Variants in PTPRQ observed in about 807,000 individuals in gnomAD.
The protein encoded by PTPRQ is phosphatidylinositol phosphatase PTPRQ.
PTPRQ carries 199 observed loss-of-function variants against 246.0 expected under a neutral mutation model. The ratio of observed to expected loss-of-function variants is 0.81; its 90% CI spans 0.72 to 0.91. The LOEUF (loss-of-function observed/expected upper bound fraction) is 0.91, where lower values mean the gene tolerates loss of function less well. Among genes scored for constraint, PTPRQ ranks in the 40% least tolerant of loss-of-function variants. The pLI is 0.00. For synonymous variants in PTPRQ, 869 were observed against 853.2 expected (o/e 1.02, Z -0.32); for missense variants, 2,624 against 2,528.4 (o/e 1.04, Z -0.81).
At chr12:80,627,335 A>T (rs544609326) in intron 33 of PTPRQ, among the ~76,000 whole-genome samples, 1 of 143,468 alleles carries the variant, frequency 7.0e-6, no homozygotes, top group South Asian at 2.2e-4. Flanking sequence ...TGTTATAAGA[A>T]CTCAATTTTT....
chr12:80,455,056 C>T (rs544081232), intron 3 of PTPRQ, among the ~76,000 whole-genome samples: 20 of 152,170 alleles, frequency 1.3e-4, no homozygotes, highest in African/African-American at 4.6e-4. Flanking sequence ...GCCTGTAATC[C>T]CAGCTACTCT....
At chr12:80,641,158 C>T (rs999638460) in intron 35 of PTPRQ, among the ~76,000 whole-genome samples, 23 of 152,162 alleles carry the variant, frequency 1.5e-4, no homozygotes, top group African/African-American at 7.2e-5. Context: ...CAACTGTGCA[C>T]GCTTCCAGGC....
At chr12:80,613,896 A>T in intron 29 of PTPRQ, 60 bp downstream of exon 29, 4 of 1,421,988 alleles carry the variant, frequency 2.8e-6, no homozygotes, top group Non-Finnish European at 3.7e-6. Flanking sequence ...TGAACTTGGC[A>T]TTTAAAAATA....
intron 9 of PTPRQ, 141 bp from the exon 10 acceptor site, chr12:80,493,134 A>G (rs1894500998): frequency 1.1e-6 from 1 of 951,384 alleles, no homozygotes; most frequent in Non-Finnish European, 1.4e-6. Context: ...TTTGGAATCT[A>G]AAGAAGACAG....
chr12:80,544,048 G>T (rs1210199783), intron 23 of PTPRQ, among the ~76,000 whole-genome samples: 1 of 152,068 alleles, frequency 6.6e-6, no homozygotes, highest in African/African-American at 2.4e-5. Context: ...TCTATATATG[G>T]ATCTTGTCTC....
intron 35 of PTPRQ, among the ~76,000 whole-genome samples, chr12:80,646,644 G>T (rs1225423900): frequency 6.6e-6 from 1 of 152,122 alleles, no homozygotes. Flanking sequence ...CCTTGCATGC[G>T]AATGTTGAGT....
chr12:80,455,726 G>A (rs1892958811), intron 3 of PTPRQ, among the ~76,000 whole-genome samples: 1 of 151,692 alleles, frequency 6.6e-6, no homozygotes, highest in Non-Finnish European at 1.5e-5. Flanking sequence ...AAATAGCTGG[G>A]ACTAGAGGCG....
chr12:80,454,698 T>A (rs1892912735), intron 3 of PTPRQ: 2 of 554,660 alleles, frequency 3.6e-6, no homozygotes, highest in East Asian at 5.7e-5. Flanking sequence ...TTTTATTAAA[T>A]GCTTTTCCTG....
Position 80,444,361 on chromosome 12 carries a change from AT to A in PTPRQ, c.21del (p.Leu8PhefsTer25). Reference sequence around the variant, plus strand: ...TGTAATAAAGATGGATTTTCTTATCATTTTTCTTTTACTTTTTATTGGGACT... The same window carrying A: ...TGTAATAAAGATGGATTTTCTTATCATTTTCTTTTACTTTTTATTGGGACT... MDFLI[I>X]FLLLFIGTSE... On this transcript the variant is annotated frameshift_variant, in exon 1 of 45. Coordinates refer to ENST00000644991, the MANE Select transcript of PTPRQ (RefSeq NM_001145026.2). LOFTEE classifies it high-confidence loss of function. 6.8e-7 allele frequency: 1 copy of A among 1,470,468 alleles called. No homozygotes were observed. Among genetic ancestry groups the A allele is most frequent in the Non-Finnish European group, 9.3e-7 (1 of 1,076,738 alleles). The allele number at this position is 1,470,468 out of a possible 1,614,324, so 91.1% of individuals were successfully genotyped here.
At position 80,520,606 on chromosome 12, in the gene PTPRQ, C is replaced by T. The variant is rs368182295; in HGVS notation, c.2678+10163C>T. 6.8e-4 allele frequency among the ~76,000 whole-genome samples: 101 copies of T among 147,612 alleles called. No individual in the cohort carries two copies. In the East Asian group the frequency reaches 0.011, roughly 17 times the overall value. The stretch of plus-strand genomic sequence containing the variant: ...ATTCCCACCTATGAGTGAGAACATG[C>T]GGTGTTTGGTTTTTTGTCCTTGTGA... On this transcript the variant is annotated intron_variant, in intron 17 of 44. Transcript: ENST00000644991.
intron 35 of PTPRQ, among the ~76,000 whole-genome samples, chr12:80,647,049 G>C (rs1395717493): frequency 6.6e-6 from 1 of 152,108 alleles, no homozygotes; most frequent in South Asian, 2.1e-4. Context: ...ATGGTTTATT[G>C]ACATTTTCCC....
chr12:80,472,067 A>AT (rs1364337511), intron 7 of PTPRQ, 38 bp from the exon 8 acceptor site: 4 of 1,549,916 alleles, frequency 2.6e-6, no homozygotes, highest in Non-Finnish European at 3.5e-6. Context: ...TGCACGCTTG[A>AT]TAAAAAATAA....
At position 80,546,714 on chromosome 12, in the gene PTPRQ, G is replaced by A. The variant is rs1896319069; in HGVS notation, c.4015+17G>A. The A allele has an allele frequency of 5.8e-6, 9 of 1,542,200 alleles. No homozygotes were observed. In the South Asian group the frequency reaches 9.9e-5, roughly 17 times the overall value. On this transcript the variant is annotated intron_variant, in intron 24 of 44. Coordinates refer to ENST00000644991, the MANE Select transcript of PTPRQ (RefSeq NM_001145026.2). Reference sequence around the variant, plus strand: ...AAGAATCAGGTTAGATACAGTTTTTGAGCCTAAAATGTTTCTTTTTATATT... The same window carrying A: ...AAGAATCAGGTTAGATACAGTTTTTAAGCCTAAAATGTTTCTTTTTATATT...
At chr12:80,504,293 C>T (rs10862148) in intron 14 of PTPRQ, among the ~76,000 whole-genome samples, 45,483 of 151,480 alleles carry the variant, frequency 0.3, 8,173 homozygotes, top group African/African-American at 0.5. Flanking sequence ...TCTTTAATAC[C>T]TCAAGAGATT....
chr12:80,497,571 G>T (rs189570736), intron 14 of PTPRQ, among the ~76,000 whole-genome samples: 8 of 152,128 alleles, frequency 5.3e-5, no homozygotes, highest in Admixed American at 5.2e-4. Flanking sequence ...TGGATGGGTT[G>T]GGAGAGGATA....
chr12:80,592,732 T>C (rs1897841539), intron 26 of PTPRQ, among the ~76,000 whole-genome samples: 1 of 151,968 alleles, frequency 6.6e-6, no homozygotes, highest in African/African-American at 2.4e-5. Context: ...GTGGCATGAG[T>C]CATGTGGTGG....
At chr12:80,461,206 A>T (rs1377959748) in intron 6 of PTPRQ, among the ~76,000 whole-genome samples, 1 of 152,188 alleles carries the variant, frequency 6.6e-6, no homozygotes, top group Middle Eastern at 3.2e-3. Context: ...TGCCGTTCTA[A>T]ATGATTTATA....
intron 8 of PTPRQ, among the ~76,000 whole-genome samples, chr12:80,473,031 ACACACT>A (rs1385424959): frequency 2.1e-5 from 2 of 97,214 alleles, no homozygotes; most frequent in African/African-American, 6.6e-5. Context: ...ATACACACAC[ACACACT>A]CACACACACG....
At position 80,467,383 on chromosome 12, in the gene PTPRQ, A is replaced by G. The variant is rs371978438; in HGVS notation, c.911-1327A>G. On this transcript the variant is annotated intron_variant, in intron 6 of 44. Transcript: ENST00000644991. ...CAGGTGCTGGAGAAGATGTGGAGAA[A>G]TAGGAACATTTTTACACTGTTGGTG... Among the ~76,000 whole-genome samples the G allele has an allele frequency of 1.1e-4, 16 of 152,318 alleles. No individual in the cohort carries two copies. In the East Asian group the frequency reaches 3.1e-3, roughly 29 times the overall value.
Sources: gnomAD v4.1 joint callset for allele counts (sites outside exome capture counted in the v4.1 genomes callset) on GRCh38, gnomAD v4.1.1 for gene constraint, MANE v1.5 for transcripts, NCBI Gene and HGNC (gene_info 2026-07-23, HGNC 2026-07-21) for gene names.